Variants in KIAA1549L observed in about 807,000 individuals in gnomAD.
KIAA1549L encodes KIAA1549 like.
KIAA1549L carries 88 observed loss-of-function variants against 160.7 expected under a neutral mutation model. That is an observed-to-expected ratio of 0.55 (90% CI 0.46 to 0.65). KIAA1549L has a LOEUF of 0.65. Among genes scored for constraint, KIAA1549L ranks in the 30% least tolerant of loss-of-function variants. The pLI is 0.00. For missense variants in KIAA1549L, 2,258 were observed against 2,437.5 expected, an observed-to-expected ratio of 0.93 and a Z score of 1.55; for synonymous variants, 950 against 976.7, an observed-to-expected ratio of 0.97 and a Z score of 0.51.
chr11:33,412,825 A>G (rs998718781), intron 1 of KIAA1549L, among the ~76,000 whole-genome samples: 6 of 152,234 alleles, frequency 3.9e-5, no homozygotes, highest in African/African-American at 1.2e-4. Flanking sequence ...ATCATAATCT[A>G]TGGGATAGAT....
chr11:33,383,858 G>A (rs1479431374), intron 1 of KIAA1549L, among the ~76,000 whole-genome samples: 2 of 152,194 alleles, frequency 1.3e-5, no homozygotes, highest in Non-Finnish European at 2.9e-5. Context: ...TCTTTATTTA[G>A]AATCTTTTTG....
chr11:33,656,089 G>T lies in KIAA1549L; in HGVS notation c.5838G>T (p.Val1946=). The change falls in exon 18 of 21, where the codon GTG becomes GTT. Residue 1946 remains valine, a synonymous_variant. Coordinates refer to ENST00000658780, the MANE Select transcript of KIAA1549L (RefSeq NM_012194.3). ...CCGTACCTCCCCGGACTGGTCCTGTGGCTGTCGCTTCTCTCAGGCGGTAAC... is the reference window on the plus strand; with the variant it reads ...CCGTACCTCCCCGGACTGGTCCTGTTGCTGTCGCTTCTCTCAGGCGGTAAC... ...PPPVPPRTGP[V]AVASLRRSTS... is the part of the protein sequence containing the mutation. 1.2e-6 allele frequency: 2 copies of T among 1,613,576 alleles called. No individual in the cohort carries two copies. The highest frequency in any genetic ancestry group is 1.1e-5 in the South Asian group (1 of 91,004).
intron 1 of KIAA1549L, among the ~76,000 whole-genome samples, chr11:33,541,233 A>C (rs191300130): frequency 6.6e-6 from 1 of 152,318 alleles, no homozygotes; most frequent in Admixed American, 6.5e-5. Flanking sequence ...AAATAGCCTA[A>C]TCTGAAAGAA....
intron 16 of KIAA1549L, among the ~76,000 whole-genome samples, chr11:33,633,599 G>GA (rs1024967353): frequency 6.6e-5 from 10 of 152,020 alleles, no homozygotes; most frequent in Admixed American, 2.0e-4. Flanking sequence ...CAGCTAAGAT[G>GA]AAAAAAAGCA....
intron 5 of KIAA1549L, among the ~76,000 whole-genome samples, chr11:33,551,657 A>G (rs1854467653): frequency 1.3e-5 from 2 of 152,114 alleles, no homozygotes; most frequent in Admixed American, 6.5e-5. Context: ...AGGTCTTCGA[A>G]TATATTTTTT....
intron 10 of KIAA1549L, among the ~76,000 whole-genome samples, chr11:33,580,743 A>G (rs1036035488): frequency 6.6e-6 from 1 of 152,170 alleles, no homozygotes; most frequent in Non-Finnish European, 1.5e-5. Flanking sequence ...CAGTGAATGA[A>G]GTGGACAAAA....
At chr11:33,563,314 A>G (rs1377693077) in intron 8 of KIAA1549L, among the ~76,000 whole-genome samples, 1 of 145,784 alleles carries the variant, frequency 6.9e-6, no homozygotes. Flanking sequence ...ATGCCACTGC[A>G]CTCCAGCCTG....
At chr11:33,478,838 G>A (rs986175296) in intron 1 of KIAA1549L, among the ~76,000 whole-genome samples, 2 of 152,112 alleles carry the variant, frequency 1.3e-5, no homozygotes, top group Non-Finnish European at 2.9e-5. Context: ...TCACCATGTT[G>A]GCCAGGATGG....
At chr11:33,430,306 T>G (rs1338463301) in intron 1 of KIAA1549L, among the ~76,000 whole-genome samples, 2 of 141,516 alleles carry the variant, frequency 1.4e-5, no homozygotes, top group Non-Finnish European at 3.1e-5. Context: ...TCCCAACATA[T>G]TTTTGGGAAA....
At chr11:33,471,691 G>T (rs1245874706) in intron 1 of KIAA1549L, among the ~76,000 whole-genome samples, 1 of 152,144 alleles carries the variant, frequency 6.6e-6, no homozygotes, top group Non-Finnish European at 1.5e-5. Flanking sequence ...CTTCCCTCCT[G>T]CTAAGAGAGA....
chr11:33,611,548 C>T (rs1257805979), intron 15 of KIAA1549L, among the ~76,000 whole-genome samples: 1 of 152,146 alleles, frequency 6.6e-6, no homozygotes, highest in Non-Finnish European at 1.5e-5. Flanking sequence ...CACACCATGA[C>T]AGGGTTCACA....
At chr11:33,529,353 T>C (rs1423401920) in intron 1 of KIAA1549L, among the ~76,000 whole-genome samples, 1 of 152,006 alleles carries the variant, frequency 6.6e-6, no homozygotes, top group African/African-American at 2.4e-5. Flanking sequence ...AAAAAATTAT[T>C]ATCACAGTTT....
intron 1 of KIAA1549L, among the ~76,000 whole-genome samples, chr11:33,475,921 C>G (rs1454296919): frequency 6.6e-6 from 1 of 152,140 alleles, no homozygotes; most frequent in Non-Finnish European, 1.5e-5. Flanking sequence ...CCCAACTCCC[C>G]CCAGGTTGGG....
intron 1 of KIAA1549L, among the ~76,000 whole-genome samples, chr11:33,406,340 AG>A (rs1040647365): frequency 6.6e-6 from 1 of 152,038 alleles, no homozygotes; most frequent in Non-Finnish European, 1.5e-5. Context: ...CTGGGTGGGG[AG>A]GGGGTTCCTG....
intron 8 of KIAA1549L, among the ~76,000 whole-genome samples, chr11:33,564,620 AC>A (rs1255996727): frequency 6.6e-6 from 1 of 152,226 alleles, no homozygotes; most frequent in African/African-American, 2.4e-5. Context: ...GACAGAGGGG[AC>A]AGCCCATTTC....
chr11:33,435,995 CA>C (rs1193338630), intron 1 of KIAA1549L, among the ~76,000 whole-genome samples: 7 of 134,522 alleles, frequency 5.2e-5, no homozygotes, highest in African/African-American at 1.9e-4. Flanking sequence ...AAAAATGATA[CA>C]AATAATAAAC....
rs76610999 is a variant in KIAA1549L, at chr11:33,663,969, C to G, written c.6159+2955C>G. 1.8e-3 allele frequency among the ~76,000 whole-genome samples: 281 copies of G among 152,312 alleles called. 4 individuals carry two copies. The highest frequency in any genetic ancestry group is 6.5e-3 in the African/African-American group (271 of 41,558). ...GAAATTTGAGCTGAGATCTGAAATA[C>G]GTACCCCATGTCCTGGTCTTGGTTC... On this transcript the variant is annotated intron_variant, in intron 20 of 20. Transcript: ENST00000658780.
At chr11:33,575,418 T>C (rs555353369) in intron 10 of KIAA1549L, among the ~76,000 whole-genome samples, 7 of 152,078 alleles carry the variant, frequency 4.6e-5, no homozygotes, top group Non-Finnish European at 8.8e-5. Context: ...AGGAAGGATG[T>C]TAAAAATAAT....
chr11:33,468,208 A>C (rs1485793494), intron 1 of KIAA1549L, among the ~76,000 whole-genome samples: 1 of 152,228 alleles, frequency 6.6e-6, no homozygotes, highest in Non-Finnish European at 1.5e-5. Context: ...CTTCAAAGGG[A>C]ACTGCTGATT....
Sources: gnomAD v4.1 joint callset for allele counts (sites outside exome capture counted in the v4.1 genomes callset) on GRCh38, gnomAD v4.1.1 for gene constraint, MANE v1.5 for transcripts, NCBI Gene and HGNC (gene_info 2026-07-23, HGNC 2026-07-21) for gene names.